Variants in CAPRIN1 observed in about 807,000 individuals in gnomAD.
CAPRIN1 encodes the protein cell cycle associated protein 1.
In CAPRIN1, 29 loss-of-function variants were observed where a neutral mutation model predicts 100.9. The observed-to-expected ratio is 0.29, with a 90% confidence interval of 0.21 to 0.39. The LOEUF is 0.39. Ranked by LOEUF, CAPRIN1 falls within the 10% of genes least tolerant of loss-of-function variation. The pLI is 1.00. For missense variants in CAPRIN1, 795 were observed against 876.7 expected, an observed-to-expected ratio of 0.91 and a Z score of 1.18; for synonymous variants, 338 against 307.5, an observed-to-expected ratio of 1.10 and a Z score of -1.04.
intron 18 of CAPRIN1, chr11:34,098,659 TGACTA>T (rs1276542429): frequency 1.5e-4 from 143 of 985,312 alleles, no homozygotes; most frequent in Non-Finnish European, 1.7e-4. Context: ...ATTACTGACT[TGACTA>T]GAAGTATCAA....
intron 11 of CAPRIN1, among the ~76,000 whole-genome samples, chr11:34,088,855 A>G (rs983942410): frequency 3.3e-5 from 5 of 152,240 alleles, no homozygotes; most frequent in Non-Finnish European, 7.3e-5. Context: ...AAAGTAAACT[A>G]TTAAATAATA....
chr11:34,091,996 T>G lies in CAPRIN1; in HGVS notation c.1645T>G (p.Phe549Val). Residue 549 changes from phenylalanine to valine, a missense_variant, in exon 15 of 19, where the codon TTT (phenylalanine) becomes GTT (valine). Phe to Val is a conservative substitution (Grantham distance 50, BLOSUM62 -1). This residue lies in a region of CAPRIN1 where 648 missense variants were observed against 697.9 expected (regional missense o/e 0.93). Transcript: ENST00000341394. Reference sequence around the variant, plus strand: ...GTACCAGGCCAGTTATAACCAGAGCTTTTCTAGTCAGCCTCACCAAGTAGA... The same window carrying G: ...GTACCAGGCCAGTTATAACCAGAGCGTTTCTAGTCAGCCTCACCAAGTAGA... ...NQYQASYNQS[F>V]SSQPHQVEQT... 6.2e-7 allele frequency: 1 copy of G among 1,614,150 alleles called. No individual in the cohort carries two copies. Among genetic ancestry groups the G allele is most frequent in the Non-Finnish European group, 8.5e-7 (1 of 1,180,018 alleles).
chr11:34,076,880 A>G (rs1195141050), intron 6 of CAPRIN1, among the ~76,000 whole-genome samples: 1 of 151,922 alleles, frequency 6.6e-6, no homozygotes, highest in Middle Eastern at 3.2e-3. Context: ...GATTACAGGC[A>G]TGCGCCACCA....
intron 15 of CAPRIN1, among the ~76,000 whole-genome samples, chr11:34,093,100 C>T (rs1454403854): frequency 6.6e-6 from 1 of 151,752 alleles, no homozygotes; most frequent in Admixed American, 6.6e-5. Flanking sequence ...AACTCCTTGC[C>T]TTGAGCGAAC....
At position 34,086,589 on chromosome 11, in the gene CAPRIN1, G is replaced by C. The variant is rs186083004; in HGVS notation, c.1231+176G>C. On this transcript the variant is annotated intron_variant, in intron 11 of 18. Transcript: ENST00000341394. ...TCCTATGATTTGAATTAAAAATGTAGTTTATAACTGTTTATTTTTAAACTT... is the reference window on the plus strand; with the variant it reads ...TCCTATGATTTGAATTAAAAATGTACTTTATAACTGTTTATTTTTAAACTT... Among the ~76,000 whole-genome samples the C allele has an allele frequency of 9.2e-5, 14 of 152,260 alleles. No individual in the cohort carries two copies. In the East Asian group the frequency reaches 2.7e-3, roughly 29 times the overall value.
chr11:34,075,942 C>G (rs974458710), intron 4 of CAPRIN1, among the ~76,000 whole-genome samples: 2 of 152,188 alleles, frequency 1.3e-5, no homozygotes, highest in African/African-American at 4.8e-5. Flanking sequence ...ACATTCATTT[C>G]CTTGCTCCCT....
At chr11:34,079,556 G>A in intron 6 of CAPRIN1, 72 bp from the exon 7 acceptor site, 1 of 1,228,886 alleles carries the variant, frequency 8.1e-7, no homozygotes, top group Non-Finnish European at 1.2e-6. Flanking sequence ...ATATTTTATA[G>A]AATGTTGGAT....
intron 2 of CAPRIN1, among the ~76,000 whole-genome samples, chr11:34,059,722 C>T (rs1025133629): frequency 2.6e-5 from 4 of 152,056 alleles, no homozygotes; most frequent in African/African-American, 7.2e-5. Flanking sequence ...ATTAACAACC[C>T]TGTTAAAATG....
chr11:34,071,857 G>GTT, intron 3 of CAPRIN1, 44 bp from the exon 4 acceptor site: 1 of 1,589,062 alleles, frequency 6.3e-7, no homozygotes. Flanking sequence ...TAATTCTGTG[G>GTT]TTTTTTGTCT....
chr11:34,091,690 G>T, intron 14 of CAPRIN1: 1 of 395,828 alleles, frequency 2.5e-6, no homozygotes, highest in Non-Finnish European at 4.5e-6. Flanking sequence ...CCATTTCACA[G>T]CATATTATAC....
intron 2 of CAPRIN1, among the ~76,000 whole-genome samples, chr11:34,067,638 A>G (rs1850725327): frequency 6.6e-6 from 1 of 152,106 alleles, no homozygotes; most frequent in Non-Finnish European, 1.5e-5. Context: ...CATAGGCACT[A>G]AGTTAAAAAA....
chr11:34,099,672 T>C lies in CAPRIN1; in HGVS notation c.*305T>C, dbSNP rs973150018. The C allele has an allele frequency of 7.7e-5, 22 of 287,022 alleles. No individual in the cohort carries two copies. Among genetic ancestry groups the C allele is most frequent in the Middle Eastern group, 9.7e-4 (1 of 1,034 alleles). 17.8% of individuals were successfully genotyped at this position (287,022 alleles called of 1,614,324 possible). On this transcript the variant is annotated 3_prime_UTR_variant, in exon 19 of 19. Transcript: ENST00000341394. ...CTTTACAGGGTGATAATAATCTCCATAGTTATTTGAAGTGGCTTGAAAAAG... is the reference window on the plus strand; with the variant it reads ...CTTTACAGGGTGATAATAATCTCCACAGTTATTTGAAGTGGCTTGAAAAAG...
At chr11:34,061,420 C>G (rs1200348157) in intron 2 of CAPRIN1, among the ~76,000 whole-genome samples, 1 of 151,896 alleles carries the variant, frequency 6.6e-6, no homozygotes, top group Non-Finnish European at 1.5e-5. Flanking sequence ...GTTGCCCAGG[C>G]TGGTCTCAAA....
chr11:34,054,113 T>C (rs1310089546), intron 2 of CAPRIN1, among the ~76,000 whole-genome samples: 4 of 152,226 alleles, frequency 2.6e-5, no homozygotes, highest in Non-Finnish European at 4.4e-5. Flanking sequence ...ATTTTACTTA[T>C]ATATTTTACA....
At chr11:34,060,147 G>A (rs1380872083) in intron 2 of CAPRIN1, among the ~76,000 whole-genome samples, 1 of 132,206 alleles carries the variant, frequency 7.6e-6, no homozygotes, top group Non-Finnish European at 1.5e-5. Flanking sequence ...AGTGAGCCGA[G>A]ATCGCGCCAC....
chr11:34,084,399 A>G (rs1349711717), intron 9 of CAPRIN1, among the ~76,000 whole-genome samples: 1 of 152,236 alleles, frequency 6.6e-6, no homozygotes, highest in Admixed American at 6.5e-5. Context: ...AAAATAGTGT[A>G]TATTTGCTGA....
intron 8 of CAPRIN1, 38 bp downstream of exon 8, chr11:34,082,915 C>G (rs775210326): frequency 1.9e-6 from 3 of 1,612,272 alleles, no homozygotes; most frequent in Non-Finnish European, 2.5e-6. Context: ...ACTTTGCTGC[C>G]TTTCAAACAA....
chr11:34,075,250 G>A (rs1238252480), intron 4 of CAPRIN1, among the ~76,000 whole-genome samples: 2 of 151,804 alleles, frequency 1.3e-5, no homozygotes, highest in Non-Finnish European at 2.9e-5. Context: ...TTTCCCTTTA[G>A]TATAGGTTTC....
intron 9 of CAPRIN1, 127 bp downstream of exon 9, chr11:34,083,168 C>CACCA: frequency 3.0e-6 from 2 of 658,560 alleles, no homozygotes. Flanking sequence ...AGACTCATTA[C>CACCA]ACCAGACTGT....
Sources: gnomAD v4.1 joint callset for allele counts (sites outside exome capture counted in the v4.1 genomes callset) on GRCh38, gnomAD v4.1.1 for gene constraint, gnomAD v4.1.1 regional missense constraint, MANE v1.5 for transcripts, NCBI Gene and HGNC (gene_info 2026-07-23, HGNC 2026-07-21) for gene names.